Variants in FADS3 observed in about 807,000 individuals in gnomAD.
FADS3 encodes the protein fatty acid desaturase 3.
In FADS3, 30 loss-of-function variants were observed where a neutral mutation model predicts 60.4. That is an observed-to-expected ratio of 0.50 (90% confidence interval 0.37 to 0.67). The LOEUF is 0.67. Ranked by LOEUF, FADS3 falls within the 30% of genes least tolerant of loss-of-function variation. The probability of loss-of-function intolerance (pLI) is 0.00; values close to 1 mark genes in which losing one functional copy is unlikely to be tolerated. For missense variants in FADS3, 432 were observed against 598.3 expected (o/e 0.72, Z 2.90); for synonymous variants, 234 against 249.3 (o/e 0.94, Z 0.58).
intron 1 of FADS3, chr11:61,880,388 A>G (rs1938085789): frequency 5.5e-6 from 2 of 363,092 alleles, no homozygotes; most frequent in Admixed American, 4.4e-5. Context: ...CACCCAGCAC[A>G]AGGGCCCCTC....
At chr11:61,889,718 G>C (rs762430579) in intron 1 of FADS3, among the ~76,000 whole-genome samples, 33 of 152,178 alleles carry the variant, frequency 2.2e-4, no homozygotes, top group Non-Finnish European at 4.3e-4. Flanking sequence ...AGAGCAGGCC[G>C]GGAGTGGTGG....
intron 1 of FADS3, chr11:61,881,976 G>A (rs913084112): frequency 2.0e-5 from 3 of 152,168 alleles, no homozygotes; most frequent in African/African-American, 7.2e-5. Flanking sequence ...AAAAAGGGCA[G>A]AGGGAAGGCT....
At chr11:61,882,976 C>T (rs12271705) in intron 1 of FADS3, among the ~76,000 whole-genome samples, 13,904 of 152,180 alleles carry the variant, frequency 0.091, 2,149 homozygotes, top group African/African-American at 0.32. Flanking sequence ...GCAATCCTCC[C>T]GCCTTGGCCT....
At chr11:61,891,017 A>T in intron 1 of FADS3, 152 bp downstream of exon 1, 2 of 691,904 alleles carry the variant, frequency 2.9e-6, no homozygotes, top group Non-Finnish European at 4.9e-6. Context: ...GGCCCTGGCT[A>T]GTCCACCCCA....
chr11:61,877,066 T>A lies in FADS3; in HGVS notation c.886-103A>T, dbSNP rs530056943. 7.6e-6 allele frequency: 6 copies of A among 788,196 alleles called. No homozygotes were observed. In the Admixed American group the frequency reaches 1.4e-4, roughly 19 times the overall value. 48.8% of individuals were successfully genotyped at this position (788,196 alleles called of 1,614,324 possible). A position where few individuals can be genotyped will look rare whatever the true frequency, so the allele number is the denominator to read the frequency against. On this transcript the variant is annotated intron_variant, in intron 7 of 11. Coordinates refer to ENST00000278829, the MANE Select transcript of FADS3 (RefSeq NM_021727.5). This position sits in a 1 kb window ranked among gnomAD's most constrained non-coding sequence, Gnocchi z 4.7. ...ACCTCAGGCATCCAACCCTTCTGCC[T>A]GATTTGCCTCAGAGCCCAGGACAGG...
rs1357422339 is a variant in FADS3 at position 61,876,318 on chromosome 11, CCCCCACCCCACCCAGGATGGG to C, written c.1080+20_1080+40del. 4 of 1,598,788 alleles carry C rather than the reference CCCCCACCCCACCCAGGATGGG, an allele frequency of 2.5e-6. No individual in the cohort carries two copies. Among genetic ancestry groups the C allele is most frequent in the Non-Finnish European group, 2.6e-6 (3 of 1,169,342 alleles). ...TTGCCATCTGGCTCCTAGCTGGGAC[CCCCCACCCCACCCAGGATGGG>C]CCCCACCCCTGCTGCCCACCTGAGA... On this transcript the variant is annotated intron_variant, in intron 9 of 11. Coordinates refer to ENST00000278829, the MANE Select transcript of FADS3 (RefSeq NM_021727.5). This position sits in a 1 kb window ranked among gnomAD's most constrained non-coding sequence, Gnocchi z 5.7.
intron 1 of FADS3, chr11:61,880,702 G>C (rs985641749): frequency 1.3e-5 from 2 of 152,250 alleles, no homozygotes; most frequent in African/African-American, 4.8e-5. Context: ...GAAGACACTT[G>C]AACAGTTAAA....
chr11:61,886,754 T>A (rs1179629270), intron 1 of FADS3, among the ~76,000 whole-genome samples: 1 of 152,216 alleles, frequency 6.6e-6, no homozygotes, highest in Non-Finnish European at 1.5e-5. Flanking sequence ...ATAAAGTTGT[T>A]AGGCGAATTC....
At chr11:61,891,065 G>T in intron 1 of FADS3, 104 bp downstream of exon 1, 1 of 1,004,730 alleles carries the variant, frequency 1.0e-6, no homozygotes, top group Non-Finnish European at 1.5e-6. Context: ...GGTCAGCGAG[G>T]GGAGGGAGGA....
chr11:61,890,093 G>T (rs867977293), intron 1 of FADS3: 2 of 150,708 alleles, frequency 1.3e-5, no homozygotes, highest in African/African-American at 2.4e-5. Flanking sequence ...AGCGTCTGGC[G>T]CCTGAACAGC....
At position 61,877,864 on chromosome 11, in the gene FADS3, G is replaced by A. The variant is rs17156535; in HGVS notation, c.809-277C>T. 0.026 allele frequency: 15,741 copies of A among 594,280 alleles called. 1,929 individuals carry two copies. Among genetic ancestry groups the A allele is most frequent in the African/African-American group, 0.26 (14,010 of 53,804 alleles). The allele number at this position is 594,280 out of a possible 1,614,324, so 36.8% of individuals were successfully genotyped here. A position where few individuals can be genotyped will look rare whatever the true frequency, so the allele number is the denominator to read the frequency against. ...AACTGCCCAAAGACTCTAGGGCTCCGGACCACTCTAGTGAGGGCAAGAAGA... is the reference window on the plus strand; with the variant it reads ...AACTGCCCAAAGACTCTAGGGCTCCAGACCACTCTAGTGAGGGCAAGAAGA... On this transcript the variant is annotated intron_variant, in intron 6 of 11. Transcript: ENST00000278829. The surrounding 1 kb of genome is among the most constrained non-coding windows in gnomAD (Gnocchi z 4.7).
chr11:61,887,627 C>T (rs938363440), intron 1 of FADS3, among the ~76,000 whole-genome samples: 3 of 152,230 alleles, frequency 2.0e-5, no homozygotes. Flanking sequence ...ACAGGACGCA[C>T]GGTCCCACCT....
intron 5 of FADS3, 148 bp downstream of exon 5, chr11:61,878,364 G>A: frequency 7.2e-7 from 1 of 1,388,078 alleles, no homozygotes; most frequent in Non-Finnish European, 1.0e-6. Context: ...TTGGGAGGTG[G>A]GAAGGAAAGA....
rs1469791141 is a variant in FADS3, at chr11:61,879,397, T to C, written c.437A>G (p.Glu146Gly). ...AFLLGHILAM[E>G]VLAWLLIYLL... ...GTAGATAAGGAGCCAGGCCAGCACC[T>C]CCATGGCCAGGATGTGGCCCAGTAG... is the stretch of plus-strand genomic sequence containing the variant. Residue 146 changes from glutamate to glycine, a missense_variant, in exon 3 of 12, where the codon GAG (glutamate) becomes GGG (glycine). Glu to Gly is a moderately conservative substitution (Grantham distance 98). Around this residue, in one of 5 missense-constraint regions of FADS3, gnomAD observed 116 missense variants for 208.9 expected, o/e 0.56. Transcript: ENST00000278829. 6.3e-7 allele frequency: 1 copy of C among 1,589,316 alleles called. No homozygotes were observed. Among genetic ancestry groups the C allele is most frequent in the African/African-American group, 1.3e-5 (1 of 74,812 alleles).
At chr11:61,884,856 C>A (rs1295051864) in intron 1 of FADS3, among the ~76,000 whole-genome samples, 2 of 152,168 alleles carry the variant, frequency 1.3e-5, no homozygotes, top group African/African-American at 4.8e-5. Flanking sequence ...AAAACGGCAC[C>A]CCTAAACACA....
Position 61,877,689 on chromosome 11 carries a change from C to T in FADS3, c.809-102G>A, listed in dbSNP as rs532500099. The T allele has an allele frequency of 8.6e-5, 93 of 1,078,084 alleles. No individual in the cohort carries two copies. The highest frequency in any genetic ancestry group is 7.0e-4 in the Admixed American group (35 of 49,806). 66.8% of individuals were successfully genotyped at this position (1,078,084 alleles called of 1,614,324 possible). A position where few individuals can be genotyped will look rare whatever the true frequency, so the allele number is the denominator to read the frequency against. ...TGTTACTCCAGGAATGCCCCTGGGA[C>T]GTTGGTGCTGGTCACATCCAGCTGA... On this transcript the variant is annotated intron_variant, in intron 6 of 11. Transcript: ENST00000278829. The surrounding 1 kb of genome is among the most constrained non-coding windows in gnomAD (Gnocchi z 4.7).
At chr11:61,885,745 CT>C (rs1242145491) in intron 1 of FADS3, among the ~76,000 whole-genome samples, 2 of 152,148 alleles carry the variant, frequency 1.3e-5, no homozygotes, top group South Asian at 2.1e-4. Context: ...TGTGGCAGGG[CT>C]GCTGAGGGCT....
In FADS3 at chr11:61,877,205, C is replaced by G; in HGVS notation, c.886-242G>C. 1.8e-6 allele frequency: 1 copy of G among 561,312 alleles called. No homozygotes were observed. Among genetic ancestry groups the G allele is most frequent in the Non-Finnish European group, 3.2e-6 (1 of 313,762 alleles). 34.8% of individuals were successfully genotyped at this position (561,312 alleles called of 1,614,324 possible). ...TCATGCAGGGTGTGTTGGGGAAGAC[C>G]CTGCCAGGGACACAGATGCCTGGCA... On this transcript the variant is annotated intron_variant, in intron 7 of 11. Coordinates refer to ENST00000278829, the MANE Select transcript of FADS3 (RefSeq NM_021727.5). This position sits in a 1 kb window ranked among gnomAD's most constrained non-coding sequence, Gnocchi z 4.7.
intron 11 of FADS3, among the ~76,000 whole-genome samples, chr11:61,874,076 G>T (rs1269026765): frequency 6.6e-6 from 1 of 152,210 alleles, no homozygotes. Flanking sequence ...CGGGGTGACG[G>T]GTGTCGGGTA....
Sources: gnomAD v4.1 joint callset for allele counts (sites outside exome capture counted in the v4.1 genomes callset) on GRCh38, gnomAD v4.1.1 for gene constraint, gnomAD v4.1.1 regional missense constraint, Gnocchi (gnomAD v3.1) non-coding constraint, MANE v1.5 for transcripts, NCBI Gene and HGNC (gene_info 2026-07-23, HGNC 2026-07-21) for gene names.